The following SUMF1 variants were observed in gnomAD, a reference collection of about 807,000 sequenced individuals.
SUMF1 encodes formylglycine-generating enzyme.
In SUMF1, 48 loss-of-function variants were observed where a neutral mutation model predicts 47.6. That is an observed-to-expected ratio of 1.01 (90% CI 0.80 to 1.28). The LOEUF (loss-of-function observed/expected upper bound fraction) is 1.28, where lower values mean the gene tolerates loss of function less well. Ranked by LOEUF, SUMF1 falls within the 50% of genes most tolerant of loss-of-function variation. The pLI, the probability that SUMF1 is intolerant of heterozygous loss-of-function variation, is 0.00. For synonymous variants in SUMF1, 230 were observed against 192.1 expected, an observed-to-expected ratio of 1.20 and a Z score of -1.63; for missense variants, 571 against 485.4, an observed-to-expected ratio of 1.18 and a Z score of -1.66.
At chr3:4,081,142 A>C (rs757959018) in intron 8 of SUMF1, among the ~76,000 whole-genome samples, 1 of 152,136 alleles carries the variant, frequency 6.6e-6, no homozygotes, top group Non-Finnish European at 1.5e-5. Context: ...CCTATTTTAC[A>C]GATAAAGAAA....
intron 8 of SUMF1, among the ~76,000 whole-genome samples, chr3:4,094,149 A>C (rs1433792919): frequency 6.6e-6 from 1 of 152,102 alleles, no homozygotes; most frequent in Non-Finnish European, 1.5e-5. Flanking sequence ...AATGACCTTG[A>C]GTGTAGCTTG....
At chr3:4,314,613 G>A (rs908469565) in intron 8 of SUMF1, among the ~76,000 whole-genome samples, 8 of 152,112 alleles carry the variant, frequency 5.3e-5, no homozygotes, top group African/African-American at 1.9e-4. Flanking sequence ...ATCTTGTGAA[G>A]TTATGCTTCA....
chr3:4,328,960 C>T (rs180803594), intron 8 of SUMF1, among the ~76,000 whole-genome samples: 162 of 152,224 alleles, frequency 1.1e-3, no homozygotes, highest in South Asian at 2.3e-3. Flanking sequence ...GCTACAGGCT[C>T]CATGCAAGTC....
chr3:4,298,491 G>A (rs539688172), intron 8 of SUMF1, among the ~76,000 whole-genome samples: 32 of 152,164 alleles, frequency 2.1e-4, no homozygotes, highest in African/African-American at 5.5e-4. Flanking sequence ...GACAGCTTCC[G>A]AAAAAATAAA....
intron 8 of SUMF1, among the ~76,000 whole-genome samples, chr3:4,176,473 C>A (rs1006765138): frequency 6.6e-6 from 1 of 152,112 alleles, no homozygotes; most frequent in African/African-American, 2.4e-5. Context: ...AAATCCTTTA[C>A]AGAAAAGCAA....
intron 1 of SUMF1, among the ~76,000 whole-genome samples, chr3:4,459,485 C>T (rs2079754241): frequency 6.6e-6 from 1 of 152,182 alleles, no homozygotes; most frequent in African/African-American, 2.4e-5. Flanking sequence ...TAGGAATCCA[C>T]AGTCATTGAT....
At position 4,451,845 on chromosome 3, in the gene SUMF1, G is replaced by A. The variant is rs372544412; in HGVS notation, c.444+1031C>T. ...ACTACGGGTGCCCGCCACCATGCCC[G>A]GCTAATTTTTTGTACTTTTAGTAGA... is the stretch of plus-strand genomic sequence containing the variant. On this transcript the variant is annotated intron_variant, in intron 2 of 8. Coordinates refer to ENST00000272902, the MANE Select transcript of SUMF1 (RefSeq NM_182760.4). 4.9e-3 allele frequency among the ~76,000 whole-genome samples: 742 copies of A among 152,134 alleles called. 2 individuals are homozygous for A. Among genetic ancestry groups the A allele is most frequent in the African/African-American group, 0.017 (705 of 41,476 alleles).
At chr3:4,142,734 G>A (rs949650598) in intron 8 of SUMF1, among the ~76,000 whole-genome samples, 27 of 151,794 alleles carry the variant, frequency 1.8e-4, no homozygotes, top group Non-Finnish European at 1.5e-4. Flanking sequence ...TAAGAATCTC[G>A]TGAATGCTAC....
intron 8 of SUMF1, among the ~76,000 whole-genome samples, chr3:4,107,194 A>T (rs1693177994): frequency 6.6e-6 from 1 of 152,154 alleles, no homozygotes; most frequent in South Asian, 2.1e-4. Flanking sequence ...TCAGATAAAC[A>T]GTAAACTGTC....
intron 8 of SUMF1, chr3:4,316,201 G>T: frequency 1.5e-6 from 1 of 680,190 alleles, no homozygotes; most frequent in Non-Finnish European, 2.7e-6. Context: ...TGCTGTTTAT[G>T]TTTATTTTAG....
intron 1 of SUMF1, among the ~76,000 whole-genome samples, chr3:4,464,412 TTG>T (rs10667318): frequency 0.01 from 1,511 of 150,374 alleles, 12 homozygotes; most frequent in Middle Eastern, 0.034. Flanking sequence ...CTGTGTGTGT[TTG>T]TGTGTGTGTG....
At chr3:4,184,874 T>C (rs924604420) in intron 8 of SUMF1, among the ~76,000 whole-genome samples, 1 of 152,052 alleles carries the variant, frequency 6.6e-6, no homozygotes, top group African/African-American at 2.4e-5. Context: ...GGTCTGGAAC[T>C]CCTAATCTCA....
chr3:4,298,949 A>C (rs530597411), intron 8 of SUMF1, among the ~76,000 whole-genome samples: 129 of 152,298 alleles, frequency 8.5e-4, no homozygotes, highest in African/African-American at 2.8e-3. Context: ...TTCCACCTGG[A>C]ATGCCTAAAT....
At chr3:4,447,357 C>A (rs1258006642) in intron 3 of SUMF1, among the ~76,000 whole-genome samples, 1 of 152,118 alleles carries the variant, frequency 6.6e-6, no homozygotes, top group Non-Finnish European at 1.5e-5. Flanking sequence ...AAAGTGTAGT[C>A]AAGTACTAAG....
rs199929275 is a variant in SUMF1 at position 4,439,730 on chromosome 3, AT to A, written c.519+9535del. Among the ~76,000 whole-genome samples the A allele has an allele frequency of 3.4e-3, 515 of 149,528 alleles. 5 individuals are homozygous for A. Among genetic ancestry groups the A allele is most frequent in the Non-Finnish European group, 4.6e-3 (307 of 67,262 alleles). ...AATTTCTTTTTATTTTTTAATTTTTATTTTTTTTTTAATATTAGAGATGAGC... is the reference window on the plus strand; with the variant it reads ...AATTTCTTTTTATTTTTTAATTTTTATTTTTTTTTAATATTAGAGATGAGC... On this transcript the variant is annotated intron_variant, in intron 3 of 8. Coordinates refer to ENST00000272902, the MANE Select transcript of SUMF1 (RefSeq NM_182760.4).
intron 7 of SUMF1, among the ~76,000 whole-genome samples, chr3:4,377,532 T>C (rs1208465135): frequency 6.6e-6 from 1 of 152,014 alleles, no homozygotes; most frequent in Non-Finnish European, 1.5e-5. Flanking sequence ...ACAAGAAGTG[T>C]AGGAAATTAG....
chr3:4,104,977 C>A (rs767560252), intron 8 of SUMF1, among the ~76,000 whole-genome samples: 26 of 152,104 alleles, frequency 1.7e-4, no homozygotes, highest in Non-Finnish European at 3.4e-4. Context: ...AATAAACCTA[C>A]GTGTCTATCA....
At chr3:4,068,487 C>CA (rs1395671068) in intron 9 of SUMF1, 2 of 175,378 alleles carry the variant, frequency 1.1e-5, no homozygotes. Context: ...AACATGTAAT[C>CA]AATATAAAAA....
chr3:4,161,510 G>C (rs184330455), intron 8 of SUMF1, among the ~76,000 whole-genome samples: 1 of 152,040 alleles, frequency 6.6e-6, no homozygotes, highest in African/African-American at 2.4e-5. Context: ...CACACAAATC[G>C]TAAGACAAAG....
Sources: gnomAD v4.1 joint callset for allele counts (sites outside exome capture counted in the v4.1 genomes callset) on GRCh38, gnomAD v4.1.1 for gene constraint, MANE v1.5 for transcripts, NCBI Gene and HGNC (gene_info 2026-07-23, HGNC 2026-07-21) for gene names.